Variants in CIB1 observed in about 807,000 individuals in gnomAD.
CIB1 encodes calcium and integrin-binding protein 1.
Under a neutral mutation model 25.0 loss-of-function variants are expected in CIB1, and 19 were observed. The ratio of observed to expected loss-of-function variants is 0.76; its 90% CI spans 0.53 to 1.12. The LOEUF is 1.12. CIB1 is among the 50% of genes most tolerant of loss of function. The probability of loss-of-function intolerance (pLI) is 0.00; values close to 1 mark genes in which losing one functional copy is unlikely to be tolerated. For missense variants in CIB1, 236 were observed against 242.6 expected (o/e 0.97, Z 0.18); for synonymous variants, 104 against 98.5 (o/e 1.06, Z -0.33).
chr15:90,233,587 C>G (rs563849745), intron 2 of CIB1, 82 bp downstream of exon 2: 3 of 1,513,084 alleles, frequency 2.0e-6, no homozygotes, highest in African/African-American at 2.8e-5. Flanking sequence ...AGGCCAGCCC[C>G]CGCCCCTCCC....
At chr15:90,257,729 C>T in the CIB1 span, 2 of 1,613,396 alleles carry the variant, frequency 1.2e-6, no homozygotes, top group East Asian at 4.5e-5. Context: ...AGAGGTACTC[C>T]CTACTCTGTT....
chr15:90,259,746 G>A, the CIB1 span, among the ~76,000 whole-genome samples: 1 of 152,154 alleles, frequency 6.6e-6, no homozygotes, highest in Non-Finnish European at 1.5e-5. Flanking sequence ...TTGTCATAAA[G>A]AAACACAGAA....
upstream of CIB1, chr15:90,234,157 T>G: frequency 9.6e-5 from 16 of 167,050 alleles, no homozygotes; most frequent in South Asian, 2.4e-4. Flanking sequence ...CGGCCCCGCC[T>G]CCGGGGTGGG....
chr15:90,260,429 TGAG>T, the CIB1 span, among the ~76,000 whole-genome samples: 5 of 152,040 alleles, frequency 3.3e-5, no homozygotes, highest in Admixed American at 6.6e-5. Context: ...CCTGGGAGGC[TGAG>T]GTTATAGCGA....
chr15:90,264,093 A>AT, the CIB1 span: 22 of 1,346,280 alleles, frequency 1.6e-5, no homozygotes, highest in African/African-American at 3.0e-4. Flanking sequence ...TCATTTTGAC[A>AT]TATGTAAATC....
At chr15:90,240,437 G>A in the CIB1 span, among the ~76,000 whole-genome samples, 2 of 152,128 alleles carry the variant, frequency 1.3e-5, no homozygotes, top group Non-Finnish European at 1.5e-5. Flanking sequence ...GAACCCAGGA[G>A]GTGGAGGTTG....
At chr15:90,235,444 CTGGAGGT>C (rs1962613108), upstream of CIB1, among the ~76,000 whole-genome samples, 1 of 152,060 alleles carries the variant, frequency 6.6e-6, no homozygotes, top group Non-Finnish European at 1.5e-5. Flanking sequence ...AACCTGGGAG[CTGGAGGT>C]TGCAGTGAGC....
chr15:90,263,670 TACC>T, the CIB1 span: 1 of 607,150 alleles, frequency 1.6e-6, no homozygotes, highest in Non-Finnish European at 2.9e-6. Flanking sequence ...TTTTTTCAGT[TACC>T]TCCTTCTTCC....
At chr15:90,232,564 CTA>C (rs1421315181) in intron 2 of CIB1, 1 of 496,500 alleles carries the variant, frequency 2.0e-6, no homozygotes, top group Non-Finnish European at 3.2e-6. Flanking sequence ...GGCACTGATT[CTA>C]GAGATCCCCA....
chr15:90,248,009 G>A, the CIB1 span, among the ~76,000 whole-genome samples: 1 of 152,050 alleles, frequency 6.6e-6, no homozygotes, highest in Non-Finnish European at 1.5e-5. Flanking sequence ...CCAAAGTGCT[G>A]GGATTACAGG....
At chr15:90,231,541 G>T in intron 3 of CIB1, 34 bp from the exon 4 acceptor site, 1 of 1,605,896 alleles carries the variant, frequency 6.2e-7, no homozygotes, top group Non-Finnish European at 8.5e-7. Context: ...CGTGGCCCAG[G>T]TCACACGCTC....
the CIB1 span, among the ~76,000 whole-genome samples, chr15:90,254,205 A>ATTTT: frequency 2.1e-4 from 17 of 81,544 alleles, no homozygotes; most frequent in African/African-American, 6.3e-4. Context: ...TTTTTTTTAA[A>ATTTT]AAAAAAAGGC....
the CIB1 span, chr15:90,258,505 AATGTAAGTCTTTAGGGACACACTATCTAG>A: frequency 6.5e-6 from 4 of 615,376 alleles, no homozygotes; most frequent in Non-Finnish European, 1.1e-5. Flanking sequence ...CCAGTGCCCT[AATGTAAGTCTTTAGGGACACACTATCTAG>A]AGAGGCAGGC....
chr15:90,264,771 C>T, the CIB1 span: 1 of 1,536,116 alleles, frequency 6.5e-7, no homozygotes, highest in South Asian at 1.2e-5. Context: ...CTGGCAGGAT[C>T]AGTGCCACCC....
the CIB1 span, chr15:90,255,782 G>T: frequency 2.4e-5 from 39 of 1,614,040 alleles, no homozygotes; most frequent in East Asian, 8.7e-4. Context: ...TGGCATGACA[G>T]AAATCTGCCG....
At chr15:90,238,613 T>TCC (rs1962684015), upstream of CIB1, 1 of 152,174 alleles carries the variant, frequency 6.6e-6, no homozygotes, top group Non-Finnish European at 1.5e-5. Context: ...CAGTGCTGGG[T>TCC]CCAGGGCTCC....
chr15:90,256,216 G>C, the CIB1 span: 3 of 1,614,188 alleles, frequency 1.9e-6, no homozygotes, highest in Non-Finnish European at 2.5e-6. Flanking sequence ...GTGGCTGTCA[G>C]GGACGTGGCA....
chr15:90,263,299 C>T, the CIB1 span: 1 of 653,918 alleles, frequency 1.5e-6, no homozygotes, highest in Non-Finnish European at 2.5e-6. Flanking sequence ...GGGAGAGGGT[C>T]TGTTGATTCC....
chr15:90,230,337 C>A lies in CIB1; in HGVS notation c.*147G>T. The A allele has an allele frequency of 1.2e-6, 1 of 838,202 alleles. No individual in the cohort carries two copies. Among genetic ancestry groups the A allele is most frequent in the Non-Finnish European group, 1.9e-6 (1 of 523,730 alleles). The allele number at this position is 838,202 out of a possible 1,614,324, so 51.9% of individuals were successfully genotyped here. ...TGAGGAGAGGCCCTGACAACGAGGG[C>A]CGCCCCTGCCCGGGGTGAGGCTGCA... On this transcript the variant is annotated 3_prime_UTR_variant, in exon 7 of 7. Coordinates refer to ENST00000328649, the MANE Select transcript of CIB1 (RefSeq NM_006384.4).
Sources: allele counts gnomAD v4.1 joint callset (sites outside exome capture counted in the v4.1 genomes callset), GRCh38; gene constraint gnomAD v4.1.1; transcripts MANE v1.5; gene names NCBI Gene and HGNC (gene_info 2026-07-23, HGNC 2026-07-21).